Variants in BNC2 observed in about 807,000 individuals in gnomAD.
The protein encoded by BNC2 is zinc finger protein basonuclin-2.
In BNC2, 20 loss-of-function variants were observed where a neutral mutation model predicts 76.3. That is an observed-to-expected ratio of 0.26 (90% confidence interval 0.18 to 0.38). The LOEUF is 0.38. Ranked by LOEUF, BNC2 falls within the 10% of genes least tolerant of loss-of-function variation. BNC2 has a pLI of 1.00. For synonymous variants in BNC2, 582 were observed against 514.8 expected, an observed-to-expected ratio of 1.13 and a Z score of -1.77; for missense variants, 1,382 against 1,399.8, an observed-to-expected ratio of 0.99 and a Z score of 0.20.
intron 1 of BNC2, among the ~76,000 whole-genome samples, chr9:16,842,969 G>A: frequency 6.6e-6 from 1 of 152,032 alleles, no homozygotes; most frequent in South Asian, 2.1e-4. Context: ...CCAGGCTGGA[G>A]TCAAACTCAT....
At chr9:16,441,568 A>C (rs1352615960) in intron 5 of BNC2, among the ~76,000 whole-genome samples, 1 of 152,198 alleles carries the variant, frequency 6.6e-6, no homozygotes, top group Non-Finnish European at 1.5e-5. Flanking sequence ...TTTGATTCTG[A>C]ATCACTAGTT....
At chr9:16,661,245 CA>C (rs879280710) in intron 3 of BNC2, among the ~76,000 whole-genome samples, 6 of 151,938 alleles carry the variant, frequency 3.9e-5, no homozygotes, top group African/African-American at 1.5e-4. Context: ...CATCTTCTAA[CA>C]AAAAAACCCT....
At chr9:16,456,833 C>T (rs1279057101) in intron 5 of BNC2, among the ~76,000 whole-genome samples, 1 of 152,036 alleles carries the variant, frequency 6.6e-6, no homozygotes, top group East Asian at 1.9e-4. Context: ...TTGTAAAAAA[C>T]ATCAAAAAAT....
intron 5 of BNC2, among the ~76,000 whole-genome samples, chr9:16,488,059 T>C (rs572599591): frequency 3.3e-5 from 5 of 152,322 alleles, no homozygotes; most frequent in African/African-American, 1.2e-4. Flanking sequence ...GCTTTATCTT[T>C]GTACTACTAA....
chr9:16,781,176 TCAGCTG>T (rs1219436974), intron 1 of BNC2, among the ~76,000 whole-genome samples: 1 of 151,868 alleles, frequency 6.6e-6, no homozygotes, highest in African/African-American at 2.4e-5. Context: ...AACATTTTGT[TCAGCTG>T]ATACGCTTTT....
Position 16,436,317 on chromosome 9 carries a change from T to A in BNC2, c.1877A>T (p.Asp626Val), listed in dbSNP as rs1163290198. ...CCTGGGCTTTTTCTTGGGTGCCAGG[T>A]CAGCACTGGGCTCATGGGTGGCCAT... ...VMMATHEPSA[D>V]LAPKKKPRKS... Residue 626 changes from aspartate to valine, a missense_variant, in exon 6 of 7, where the codon GAC becomes GTC. This residue lies in a region of BNC2 where 798 missense variants were observed against 775.5 expected (regional missense o/e 1.03). Coordinates refer to ENST00000380672, the MANE Select transcript of BNC2 (RefSeq NM_017637.6). The A allele has an allele frequency of 1.9e-6, 3 of 1,614,012 alleles. No individual in the cohort carries two copies. The Admixed American group carries it at 5.0e-5, about 27-fold the overall frequency.
In BNC2 at chr9:16,805,317, T is replaced by A. The variant is rs979963468; in HGVS notation, c.3+65329A>T. ...GGCTATTGTTTCATTCAAAGGAAAT[T>A]CATTATTTTTTTGTTGGTTTTTTTT... is the stretch of plus-strand genomic sequence containing the variant. On this transcript the variant is annotated intron_variant, in intron 1 of 6. Coordinates refer to ENST00000380672, the MANE Select transcript of BNC2 (RefSeq NM_017637.6). Among the ~76,000 whole-genome samples, 3 of 151,434 alleles carry A rather than the reference T, an allele frequency of 2.0e-5. No individual in the cohort carries two copies. The Admixed American group carries it at 2.0e-4, about 10-fold the overall frequency.
intron 1 of BNC2, among the ~76,000 whole-genome samples, chr9:16,825,676 G>C (rs1586914563): frequency 6.6e-6 from 1 of 152,132 alleles, no homozygotes; most frequent in South Asian, 2.1e-4. Context: ...TATGGAGTGA[G>C]ACTAAAGCTC....
chr9:16,847,224 C>A (rs1310094261), intron 1 of BNC2, among the ~76,000 whole-genome samples: 1 of 152,012 alleles, frequency 6.6e-6, no homozygotes, highest in African/African-American at 2.4e-5. Flanking sequence ...ACACGCAGCT[C>A]AAAACAAAGT....
intron 5 of BNC2, among the ~76,000 whole-genome samples, chr9:16,531,343 G>A (rs1451628088): frequency 4.0e-5 from 6 of 151,710 alleles, no homozygotes; most frequent in East Asian, 1.9e-4. Flanking sequence ...ACAAGAAAGC[G>A]GCGACAAGAT....
intron 5 of BNC2, among the ~76,000 whole-genome samples, chr9:16,452,620 G>C (rs1047005774): frequency 6.6e-6 from 1 of 152,096 alleles, no homozygotes; most frequent in African/African-American, 2.4e-5. Context: ...ATGTTGACCA[G>C]GCTGGTCTTG....
chr9:16,437,100 T>A lies in BNC2; in HGVS notation c.1094A>T (p.Glu365Val). ...GGGAGAAACTTCGGATTCGCTGCTC[T>A]CATTATATTCATTCTGAGTTGAAAG... ...PSLSTQNEYN[E>V]SSESEVSPTP... Residue 365 changes from glutamate to valine, a missense_variant, in exon 6 of 7, where the codon GAG (glutamate) becomes GTG (valine). Physicochemically the swap from Glu to Val is moderately radical, Grantham distance 121 (BLOSUM62 -2). This residue lies in a region of BNC2 where 557 missense variants were observed against 540.9 expected (regional missense o/e 1.03). Transcript: ENST00000380672. 6.2e-7 allele frequency: 1 copy of A among 1,614,186 alleles called. No homozygotes were observed. Among genetic ancestry groups the A allele is most frequent in the Non-Finnish European group, 8.5e-7 (1 of 1,180,038 alleles).
intron 3 of BNC2, among the ~76,000 whole-genome samples, chr9:16,596,970 T>C (rs749752886): frequency 1.3e-4 from 20 of 152,180 alleles, no homozygotes; most frequent in Admixed American, 2.0e-4. Context: ...GAAGAAAATG[T>C]GATCTATCAC....
At chr9:16,795,624 TCA>T (rs1203997802) in intron 1 of BNC2, among the ~76,000 whole-genome samples, 2 of 152,132 alleles carry the variant, frequency 1.3e-5, no homozygotes, top group Non-Finnish European at 2.9e-5. Flanking sequence ...GATCCCAGGC[TCA>T]CACACACTGC....
At chr9:16,797,838 C>T (rs906571438) in intron 1 of BNC2, among the ~76,000 whole-genome samples, 1 of 152,038 alleles carries the variant, frequency 6.6e-6, no homozygotes, top group South Asian at 2.1e-4. Flanking sequence ...TATGCCATGT[C>T]CTAGGAAAGG....
intron 3 of BNC2, among the ~76,000 whole-genome samples, chr9:16,715,157 A>G (rs767619976): frequency 6.6e-6 from 1 of 152,202 alleles, no homozygotes; most frequent in Non-Finnish European, 1.5e-5. Flanking sequence ...ATCTACATCA[A>G]TTACTTACAC....
chr9:16,853,271 G>A (rs994116063), intron 1 of BNC2, among the ~76,000 whole-genome samples: 18 of 122,018 alleles, frequency 1.5e-4, no homozygotes, highest in African/African-American at 5.1e-4. Flanking sequence ...CTAGCTGGCC[G>A]TGGTGGCATG....
chr9:16,506,513 C>CTTTTTTTTTT lies in BNC2; in HGVS notation c.669+46007_669+46016dup, dbSNP rs568955982. ...GTACACTTCTCTCTCTCTCTCTCCT[C>CTTTTTTTTTT]TTTTTTTTTTTTTTTTTTTTTTTTT... On this transcript the variant is annotated intron_variant, in intron 5 of 6. Transcript: ENST00000380672. Among the ~76,000 whole-genome samples, 62 of 43,344 alleles carry CTTTTTTTTTT rather than the reference C, an allele frequency of 1.4e-3. 14 individuals are homozygous for CTTTTTTTTTT. The highest frequency in any genetic ancestry group is 4.7e-3 in the African/African-American group (58 of 12,404). The allele number at this position is 43,344 out of a possible 152,430, so 28.4% of individuals were successfully genotyped here.
intron 1 of BNC2, among the ~76,000 whole-genome samples, chr9:16,844,700 T>C (rs1818923615): frequency 6.6e-6 from 1 of 152,120 alleles, no homozygotes; most frequent in Non-Finnish European, 1.5e-5. Context: ...GTTTTCACCA[T>C]GTTGGCCAGG....
Sources: allele counts gnomAD v4.1 joint callset (sites outside exome capture counted in the v4.1 genomes callset), GRCh38; gene constraint gnomAD v4.1.1; regional missense constraint gnomAD v4.1.1; transcripts MANE v1.5; gene names NCBI Gene and HGNC (gene_info 2026-07-23, HGNC 2026-07-21).